EYS: variants seen among roughly 807,000 people sequenced by gnomAD.
EYS encodes protein eyes shut homolog.
A neutral mutation model predicts 282.1 loss-of-function variants in EYS; 250 were observed. That is an observed-to-expected ratio of 0.89 (90% CI 0.80 to 0.98). The LOEUF is 0.98. EYS is among the 50% of genes least tolerant of loss of function. The pLI is 0.00. For missense variants in EYS, 4,016 were observed against 3,709.0 expected, an observed-to-expected ratio of 1.08 and a Z score of -2.15; for synonymous variants, 1,355 against 1,282.9, an observed-to-expected ratio of 1.06 and a Z score of -1.20.
At chr6:64,550,773 C>G (rs1765049825) in intron 26 of EYS, among the ~76,000 whole-genome samples, 1 of 151,994 alleles carries the variant, frequency 6.6e-6, no homozygotes, top group African/African-American at 2.4e-5. Flanking sequence ...TCTCAGGATA[C>G]AAAATCAATG....
intron 31 of EYS, among the ~76,000 whole-genome samples, chr6:64,082,847 A>T (rs954834921): frequency 6.6e-6 from 1 of 152,092 alleles, no homozygotes; most frequent in Non-Finnish European, 1.5e-5. Flanking sequence ...AACAAGTGTA[A>T]CACATGGTAT....
intron 22 of EYS, among the ~76,000 whole-genome samples, chr6:64,782,076 C>T (rs1282632166): frequency 6.6e-6 from 1 of 152,120 alleles, no homozygotes; most frequent in East Asian, 1.9e-4. Flanking sequence ...TTTTAAATGT[C>T]TGTAAGATTT....
intron 9 of EYS, among the ~76,000 whole-genome samples, chr6:65,351,076 A>G (rs1419366985): frequency 1.3e-5 from 2 of 151,762 alleles, no homozygotes; most frequent in African/African-American, 2.4e-5. Flanking sequence ...TAAAATGTAT[A>G]ATTCTATTTA....
rs539864889 is a variant in EYS at position 65,195,765 on chromosome 6, C to T, written c.2023+100098G>A. 3.3e-5 allele frequency among the ~76,000 whole-genome samples: 5 copies of T among 152,042 alleles called. No homozygotes were observed. In the South Asian group the frequency reaches 1.0e-3, roughly 32 times the overall value. On this transcript the variant is annotated intron_variant, in intron 12 of 42. Coordinates refer to ENST00000503581, the MANE Select transcript of EYS (RefSeq NM_001142800.2). ...ATGCAAAAGCCTCTGTTATTCATGCCCAAGCTGGCATAGAGATAAATTTGA... is the reference window on the plus strand; with the variant it reads ...ATGCAAAAGCCTCTGTTATTCATGCTCAAGCTGGCATAGAGATAAATTTGA...
intron 18 of EYS, among the ~76,000 whole-genome samples, chr6:64,899,146 G>T (rs913534979): frequency 4.6e-5 from 7 of 152,052 alleles, no homozygotes; most frequent in South Asian, 2.1e-4. Flanking sequence ...CAAATCAACA[G>T]AATAAACATT....
intron 12 of EYS, among the ~76,000 whole-genome samples, chr6:65,094,214 T>C (rs1774658851): frequency 7.0e-6 from 1 of 142,854 alleles, no homozygotes; most frequent in African/African-American, 2.6e-5. Flanking sequence ...CCTAAATATA[T>C]ACATAAAGCA....
chr6:64,085,095 C>T (rs575333852), intron 31 of EYS, among the ~76,000 whole-genome samples: 3 of 151,994 alleles, frequency 2.0e-5, no homozygotes, highest in South Asian at 2.1e-4. Context: ...CTGTAACCCC[C>T]GCCTCCCGAG....
intron 36 of EYS, among the ~76,000 whole-genome samples, chr6:63,820,702 C>T (rs556908567): frequency 2.6e-5 from 4 of 152,272 alleles, no homozygotes; most frequent in African/African-American, 9.6e-5. Context: ...AAAACCTTAT[C>T]TCACAACTGA....
At chr6:63,937,146 G>A (rs1765082112) in intron 35 of EYS, among the ~76,000 whole-genome samples, 1 of 152,018 alleles carries the variant, frequency 6.6e-6, no homozygotes, top group Non-Finnish European at 1.5e-5. Flanking sequence ...CTAGACAATT[G>A]TAGGATGCAA....
intron 29 of EYS, among the ~76,000 whole-genome samples, chr6:64,358,591 C>T (rs928595022): frequency 6.6e-6 from 1 of 151,560 alleles, no homozygotes; most frequent in Non-Finnish European, 1.5e-5. Context: ...GATTGCAGTG[C>T]CTTTGCTGGA....
At chr6:63,910,386 C>A (rs7773912) in intron 35 of EYS, among the ~76,000 whole-genome samples, 23,514 of 151,958 alleles carry the variant, frequency 0.15, 2,105 homozygotes, top group African/African-American at 0.25. Flanking sequence ...CAGACACAGG[C>A]GATTCTGATT....
chr6:65,008,336 A>G lies in EYS; in HGVS notation c.2138-10633T>C, dbSNP rs1476480406. Reference sequence around the variant, plus strand: ...ATTTATCACTCAATCAGCTGCAGACATTAGAAAAAAAAACTTCAAAAGTCT... The same window carrying G: ...ATTTATCACTCAATCAGCTGCAGACGTTAGAAAAAAAAACTTCAAAAGTCT... On this transcript the variant is annotated intron_variant, in intron 13 of 42. Transcript: ENST00000503581. 2.6e-5 allele frequency among the ~76,000 whole-genome samples: 4 copies of G among 152,138 alleles called. No individual in the cohort carries two copies. In the East Asian group the frequency reaches 5.8e-4, roughly 22 times the overall value.
At chr6:65,695,776 CTATCTT>C (rs1476516580) in intron 1 of EYS, among the ~76,000 whole-genome samples, 1 of 151,638 alleles carries the variant, frequency 6.6e-6, no homozygotes, top group Non-Finnish European at 1.5e-5. Context: ...TTATAGAAAA[CTATCTT>C]TATAGTCAAG....
At chr6:64,263,554 G>A (rs1229836757) in intron 30 of EYS, among the ~76,000 whole-genome samples, 1 of 152,024 alleles carries the variant, frequency 6.6e-6, no homozygotes, top group Non-Finnish European at 1.5e-5. Context: ...CTTTCAAGAT[G>A]ATGTGTTTTC....
chr6:63,985,363 G>T (rs1311525483), intron 34 of EYS, among the ~76,000 whole-genome samples: 1 of 151,642 alleles, frequency 6.6e-6, no homozygotes, highest in African/African-American at 2.4e-5. Flanking sequence ...GAACCCTACA[G>T]TTCTTTAGTT....
chr6:64,438,688 G>A (rs1286589802), intron 27 of EYS, among the ~76,000 whole-genome samples: 1 of 151,552 alleles, frequency 6.6e-6, no homozygotes, highest in Non-Finnish European at 1.5e-5. Flanking sequence ...TTCAAATCAT[G>A]TACCGTTTGA....
intron 30 of EYS, among the ~76,000 whole-genome samples, chr6:64,287,207 A>C (rs2150363992): frequency 6.6e-6 from 1 of 152,258 alleles, no homozygotes; most frequent in Non-Finnish European, 1.5e-5. Flanking sequence ...GCTACTCTCC[A>C]ATAACAGCCA....
At chr6:65,438,806 C>T (rs2150390286) in intron 5 of EYS, among the ~76,000 whole-genome samples, 1 of 152,164 alleles carries the variant, frequency 6.6e-6, no homozygotes, top group South Asian at 2.1e-4. Flanking sequence ...TTCTAGGTTG[C>T]CTGTTCACTC....
At chr6:64,944,786 A>G (rs1367267513) in intron 15 of EYS, among the ~76,000 whole-genome samples, 6 of 152,120 alleles carry the variant, frequency 3.9e-5, no homozygotes, top group Non-Finnish European at 7.4e-5. Flanking sequence ...CTGAGATCAG[A>G]GAAAAACCGC....
Sources: gnomAD v4.1 joint callset for allele counts (sites outside exome capture counted in the v4.1 genomes callset) on GRCh38, gnomAD v4.1.1 for gene constraint, MANE v1.5 for transcripts, NCBI Gene and HGNC (gene_info 2026-07-23, HGNC 2026-07-21) for gene names.